ERN1: variants seen among roughly 807,000 people sequenced by gnomAD.
The protein encoded by ERN1 is endoplasmic reticulum to nucleus signaling 1, also known as serine/threonine-protein kinase/endoribonuclease IRE1.
In ERN1, 39 loss-of-function variants were observed where a neutral mutation model predicts 113.1. The ratio of observed to expected loss-of-function variants is 0.34; its 90% CI spans 0.27 to 0.45. ERN1 has a LOEUF of 0.45. Among genes scored for constraint, ERN1 ranks in the 20% least tolerant of loss-of-function variants. ERN1 has a pLI of 1.00. For missense variants in ERN1, 976 were observed against 1,274.8 expected, an observed-to-expected ratio of 0.77 and a Z score of 3.57; for synonymous variants, 507 against 515.9, an observed-to-expected ratio of 0.98 and a Z score of 0.23.
intron 1 of ERN1, among the ~76,000 whole-genome samples, chr17:64,122,106 G>A (rs1298565609): frequency 5.3e-5 from 8 of 152,178 alleles, no homozygotes; most frequent in African/African-American, 1.9e-4. Flanking sequence ...CCCAACATAC[G>A]CACCAGAACA....
intron 1 of ERN1, among the ~76,000 whole-genome samples, chr17:64,128,293 G>C (rs962645345): frequency 7.9e-5 from 12 of 151,290 alleles, no homozygotes; most frequent in Non-Finnish European, 1.5e-4. Flanking sequence ...TTACAGGCAT[G>C]AGCCACCGGG....
intron 8 of ERN1, 97 bp downstream of exon 8, chr17:64,066,574 C>A: frequency 7.0e-7 from 1 of 1,438,238 alleles, no homozygotes; most frequent in South Asian, 1.3e-5. Flanking sequence ...CAGAGACTGC[C>A]CTGTCTTTGG....
Position 64,124,299 on chromosome 17 carries a change from A to G in ERN1, c.54+5677T>C, listed in dbSNP as rs1003855784. Among the ~76,000 whole-genome samples, 13 of 152,236 alleles carry G rather than the reference A, an allele frequency of 8.5e-5. 1 individual carries two copies. Among genetic ancestry groups the G allele is most frequent in the Admixed American group, 6.5e-4 (10 of 15,282 alleles). ...AATAAATGTCCACGCAAAAATTTGT[A>G]CACAAATGTTCATGGCAGAATTATT... On this transcript the variant is annotated intron_variant, in intron 1 of 21. Coordinates refer to ENST00000433197, the MANE Select transcript of ERN1 (RefSeq NM_001433.5).
chr17:64,095,387 C>A (rs1450505130), intron 2 of ERN1, among the ~76,000 whole-genome samples: 1 of 152,132 alleles, frequency 6.6e-6, no homozygotes, highest in Non-Finnish European at 1.5e-5. Flanking sequence ...CAAGATCGCA[C>A]CATTGCACTC....
rs1264764929 is a variant in ERN1, at chr17:64,039,592, G to C, written c.*4396C>G. 1 of 152,134 alleles carries C rather than the reference G, an allele frequency of 6.6e-6. No homozygotes were observed. The highest frequency in any genetic ancestry group is 2.1e-4 in the South Asian group (1 of 4,826). The allele number at this position is 152,134 out of a possible 1,614,324, so 9.4% of individuals were successfully genotyped here. On this transcript the variant is annotated 3_prime_UTR_variant, in exon 22 of 22. Coordinates refer to ENST00000433197, the MANE Select transcript of ERN1 (RefSeq NM_001433.5). ...CCAAAACAAATCTGATGTGCTTTAA[G>C]CAAGTACAATTGTAACTGGATACAT...
intron 2 of ERN1, among the ~76,000 whole-genome samples, chr17:64,084,549 A>G (rs1305888996): frequency 6.6e-6 from 1 of 152,106 alleles, no homozygotes; most frequent in African/African-American, 2.4e-5. Context: ...AATAGAGATA[A>G]CATCAACCTC....
In ERN1 at chr17:64,067,427, C is replaced by CA. The variant is rs5821418; in HGVS notation, c.581-496dup. ...CAACATAGTGAGACCCCCGTCTCTA[C>CA]AAAAAAAAAAAAAAAAAAAAATTAG... On this transcript the variant is annotated intron_variant, in intron 7 of 21. Transcript: ENST00000433197. Among the ~76,000 whole-genome samples the CA allele has an allele frequency of 9.3e-4, 77 of 83,072 alleles. No homozygotes were observed. The Middle Eastern group carries it at 0.021, about 23-fold the overall frequency. The allele number at this position is 83,072 out of a possible 152,430, so 54.5% of individuals were successfully genotyped here.
At position 64,049,285 on chromosome 17, in the gene ERN1, C is replaced by T. The variant is rs1311357676; in HGVS notation, c.2254-83G>A. The T allele has an allele frequency of 5.8e-6, 8 of 1,372,284 alleles. No individual in the cohort carries two copies. Among genetic ancestry groups the T allele is most frequent in the Non-Finnish European group, 7.8e-6 (8 of 1,019,522 alleles). 85.0% of individuals were successfully genotyped at this position (1,372,284 alleles called of 1,614,324 possible). ...AGTCAGGGAGGGAGGAGCATTGCTG[C>T]TGCTTCTGCCACCTAGAAGGTGTCC... On this transcript the variant is annotated intron_variant, in intron 17 of 21. Coordinates refer to ENST00000433197, the MANE Select transcript of ERN1 (RefSeq NM_001433.5). The surrounding 1 kb of genome is among the most constrained non-coding windows in gnomAD (Gnocchi z 4.7).
At chr17:64,099,159 T>C (rs1914313221) in intron 1 of ERN1, among the ~76,000 whole-genome samples, 1 of 152,180 alleles carries the variant, frequency 6.6e-6, no homozygotes, top group African/African-American at 2.4e-5. Context: ...AGTGAAATAA[T>C]TATCATTAAA....
At chr17:64,098,696 G>A in intron 1 of ERN1, 1 of 395,128 alleles carries the variant, frequency 2.5e-6, no homozygotes, top group Non-Finnish European at 5.0e-6. Flanking sequence ...AGCAAAATAG[G>A]AAAAACAGCT....
intron 11 of ERN1, 125 bp downstream of exon 11, chr17:64,060,344 A>T (rs1913013529): frequency 3.3e-5 from 22 of 672,320 alleles, no homozygotes; most frequent in Admixed American, 1.3e-4. Flanking sequence ...TTTGCTTTGG[A>T]TTCTGGTGCA....
chr17:64,103,299 C>A (rs1914435682), intron 1 of ERN1, among the ~76,000 whole-genome samples: 1 of 152,054 alleles, frequency 6.6e-6, no homozygotes, highest in Non-Finnish European at 1.5e-5. Flanking sequence ...GAATTCAAGA[C>A]CAGCCTGGCC....
At chr17:64,056,696 G>A (rs196933) in intron 12 of ERN1, among the ~76,000 whole-genome samples, 88,604 of 152,114 alleles carry the variant, frequency 0.58, 29,800 homozygotes, top group South Asian at 0.76. Flanking sequence ...CCAGGGAGTC[G>A]TCTCTTCTTC....
chr17:64,111,357 G>T (rs1180445803), intron 1 of ERN1, among the ~76,000 whole-genome samples: 72 of 138,468 alleles, frequency 5.2e-4, no homozygotes, highest in South Asian at 1.4e-3. Flanking sequence ...GTCATCCAAT[G>T]TTTTTTTTTT....
intron 2 of ERN1, among the ~76,000 whole-genome samples, chr17:64,086,927 T>C (rs982606559): frequency 6.6e-6 from 1 of 152,052 alleles, no homozygotes; most frequent in Non-Finnish European, 1.5e-5. Flanking sequence ...TATAGGTGTG[T>C]GCCCAGCCTA....
intron 1 of ERN1, among the ~76,000 whole-genome samples, chr17:64,125,515 G>C (rs1052017563): frequency 2.0e-5 from 3 of 152,110 alleles, no homozygotes; most frequent in African/African-American, 7.2e-5. Flanking sequence ...TTGAGACAGA[G>C]TCTCGCTCTG....
Position 64,054,700 on chromosome 17 carries a change from C to T in ERN1, c.1763+38G>A, listed in dbSNP as rs1326321367. On this transcript the variant is annotated intron_variant, in intron 14 of 21. Coordinates refer to ENST00000433197, the MANE Select transcript of ERN1 (RefSeq NM_001433.5). The surrounding 1 kb of genome is among the most constrained non-coding windows in gnomAD (Gnocchi z 4.9). ...TCGCAACCTGACAGGCACTTAGACA[C>T]CAGGCGGTGAGGGCAGGGGGCTGGC... 2.0e-6 allele frequency: 3 copies of T among 1,508,862 alleles called. No individual in the cohort carries two copies. Among genetic ancestry groups the T allele is most frequent in the South Asian group, 2.4e-5 (2 of 83,566 alleles). The allele number at this position is 1,508,862 out of a possible 1,614,324, so 93.5% of individuals were successfully genotyped here.
intron 1 of ERN1, among the ~76,000 whole-genome samples, chr17:64,124,047 T>C (rs1014973901): frequency 3.3e-5 from 5 of 152,074 alleles, no homozygotes; most frequent in Non-Finnish European, 7.4e-5. Context: ...CTATAATGAG[T>C]TACCACTCCA....
At chr17:64,070,193 C>T (rs562768721) in intron 6 of ERN1, among the ~76,000 whole-genome samples, 24 of 152,222 alleles carry the variant, frequency 1.6e-4, no homozygotes, top group African/African-American at 5.1e-4. Context: ...AAAGGTCACA[C>T]GGAACTGAAC....
Sources: allele counts gnomAD v4.1 joint callset (sites outside exome capture counted in the v4.1 genomes callset), GRCh38; gene constraint gnomAD v4.1.1; non-coding constraint Gnocchi (gnomAD v3.1); transcripts MANE v1.5; gene names NCBI Gene and HGNC (gene_info 2026-07-23, HGNC 2026-07-21).